Variants in CCDC57 observed in about 807,000 individuals in gnomAD.
CCDC57 encodes coiled-coil domain containing 57, also known as coiled-coil domain-containing protein 57.
CCDC57 carries 118 observed loss-of-function variants against 118.9 expected under a neutral mutation model. The ratio of observed to expected loss-of-function variants is 0.99; its 90% CI spans 0.86 to 1.16. CCDC57 has a LOEUF of 1.16. CCDC57 is among the 50% of genes most tolerant of loss of function. The pLI is 0.00. For missense variants in CCDC57, 1,300 were observed against 1,320.7 expected (o/e 0.98, Z 0.24); for synonymous variants, 527 against 532.9 (o/e 0.99, Z 0.15).
intron 14 of CCDC57, among the ~76,000 whole-genome samples, chr17:82,158,717 T>C (rs2042968128): frequency 6.6e-6 from 1 of 151,770 alleles, no homozygotes; most frequent in South Asian, 2.1e-4. Flanking sequence ...CTTGTATTAA[T>C]TTTTATTTAT....
intron 1 of CCDC57, among the ~76,000 whole-genome samples, chr17:82,208,441 G>C (rs997090656): frequency 1.3e-5 from 2 of 151,906 alleles, no homozygotes; most frequent in African/African-American, 4.8e-5. Flanking sequence ...ACTTTTAGTA[G>C]AGATGGGGTT....
intron 2 of CCDC57, 57 bp from the exon 2 acceptor site, chr17:82,202,009 C>T: frequency 1.4e-6 from 2 of 1,442,454 alleles, no homozygotes; most frequent in East Asian, 4.9e-5. Context: ...AATTTTCCTA[C>T]CACAGTACCT....
intron 19 of CCDC57, among the ~76,000 whole-genome samples, chr17:82,111,645 C>T (rs187988749): frequency 4.4e-4 from 67 of 151,176 alleles, no homozygotes; most frequent in African/African-American, 1.6e-3. Context: ...TCTGCTCTTT[C>T]ACCCAGGCTG....
intron 16 of CCDC57, among the ~76,000 whole-genome samples, chr17:82,150,461 G>A (rs199543914): frequency 6.6e-3 from 380 of 57,328 alleles, no homozygotes; most frequent in East Asian, 0.018. Flanking sequence ...AGAACCAGGC[G>A]CACACCCAGA....
intron 4 of CCDC57, among the ~76,000 whole-genome samples, chr17:82,197,682 G>T (rs540690950): frequency 6.6e-5 from 10 of 152,262 alleles, no homozygotes; most frequent in Admixed American, 1.3e-4. Flanking sequence ...ATTATTTCTG[G>T]GAGTGTCTGC....
Position 82,172,823 on chromosome 17 carries a change from T to A in CCDC57, c.1544A>T (p.Asp515Val), listed in dbSNP as rs779400869. 3.1e-6 allele frequency: 5 copies of A among 1,613,154 alleles called. No homozygotes were observed. Among genetic ancestry groups the A allele is most frequent in the Non-Finnish European group, 3.4e-6 (4 of 1,179,674 alleles). The change falls in exon 12 of 20, where the codon GAC (aspartate) becomes GTC (valine). Residue 515 changes from aspartate (D) to valine (V), a missense_variant. By Grantham distance (152) the Asp-to-Val change is radical. Transcript: ENST00000665763. This position sits in a 1 kb window ranked among gnomAD's most constrained non-coding sequence, Gnocchi z 5.2. ...CCGCTGGATCTCACTGGATGGAAAG[T>A]CTTTACTTATTTCTTCTTCATGCTG...
chr17:82,113,710 A>G (rs1382219391), intron 19 of CCDC57: 1 of 711,950 alleles, frequency 1.4e-6, no homozygotes. Flanking sequence ...AGGCGGCAGG[A>G]CTGCTTGAGC....
chr17:82,202,078 C>T (rs1329121945), intron 2 of CCDC57, 126 bp from the exon 2 acceptor site: 8 of 988,344 alleles, frequency 8.1e-6, no homozygotes, highest in Non-Finnish European at 1.0e-5. Context: ...CACCTGTAAT[C>T]CCAGCCCTTT....
intron 1 of CCDC57, among the ~76,000 whole-genome samples, chr17:82,211,993 T>TA (rs1046534333): frequency 2.6e-5 from 4 of 152,170 alleles, no homozygotes; most frequent in African/African-American, 4.8e-5. Context: ...TCTGCTTCTG[T>TA]AAAAAAATCG....
At chr17:82,194,046 G>T in exon 6 of CCDC57, 1 of 1,613,710 alleles carries the variant, frequency 6.2e-7, no homozygotes, top group Non-Finnish European at 8.5e-7. Flanking sequence ...TTCCTCTCCA[G>T]CTCGGCGTTG....
At chr17:82,179,753 A>T (rs1196219479) in intron 9 of CCDC57, among the ~76,000 whole-genome samples, 2 of 152,204 alleles carry the variant, frequency 1.3e-5, no homozygotes, top group Non-Finnish European at 2.9e-5. Context: ...ACCACCAAGG[A>T]TGTAAAGGGG....
intron 15 of CCDC57, chr17:82,152,406 A>AT (rs1598961668): frequency 6.5e-6 from 1 of 154,346 alleles, no homozygotes; most frequent in Non-Finnish European, 1.4e-5. Context: ...GGCAGTGGAG[A>AT]GGGAGGAGGC....
chr17:82,111,900 C>G (rs1486819623), intron 19 of CCDC57: 1 of 151,900 alleles, frequency 6.6e-6, no homozygotes, highest in Non-Finnish European at 1.5e-5. Context: ...AGCCATGGTG[C>G]TCGCCTTCTT....
intron 19 of CCDC57, among the ~76,000 whole-genome samples, chr17:82,111,674 T>C (rs1205554829): frequency 6.6e-6 from 1 of 152,106 alleles, no homozygotes; most frequent in Non-Finnish European, 1.5e-5. Context: ...TGGTGCGATC[T>C]CGGCTCACTG....
intron 11 of CCDC57, among the ~76,000 whole-genome samples, chr17:82,177,603 C>G (rs980662763): frequency 2.0e-5 from 3 of 152,254 alleles, no homozygotes; most frequent in Non-Finnish European, 4.4e-5. Context: ...TAGGAACATT[C>G]TTCATACCAC....
chr17:82,149,041 GTGGACGGATGGTTGGGTGGGTGGA>G (rs2041442185), intron 16 of CCDC57, among the ~76,000 whole-genome samples: 1 of 81,784 alleles, frequency 1.2e-5, no homozygotes, highest in Non-Finnish European at 2.3e-5. Flanking sequence ...GGATGGGTGG[GTGGACGGATGGTTGGGTGGGTGGA>G]TGGATGGATG....
rs184741230 is a variant in CCDC57, at chr17:82,117,364, T to C, written c.2899+10328A>G. On this transcript the variant is annotated intron_variant, in intron 19 of 19. Coordinates refer to ENST00000665763, the Ensembl canonical transcript of CCDC57. Reference sequence around the variant, plus strand: ...TGACTCAAACAACAACCAGGCAAATTAGGCCAGGTGCTCATGCCTGTAATC... The same window carrying C: ...TGACTCAAACAACAACCAGGCAAATCAGGCCAGGTGCTCATGCCTGTAATC... 1.3e-4 allele frequency among the ~76,000 whole-genome samples: 20 copies of C among 149,310 alleles called. No individual in the cohort carries two copies. The East Asian group carries it at 3.6e-3, about 27-fold the overall frequency.
chr17:82,178,519 G>A (rs748688318), exon 11 of CCDC57: 27 of 1,613,636 alleles, frequency 1.7e-5, no homozygotes, highest in East Asian at 4.5e-5. Flanking sequence ...GGGCCTGCAC[G>A]GCCTGGTCTC....
At chr17:82,185,718 TAA>T in intron 8 of CCDC57, among the ~76,000 whole-genome samples, 1 of 151,714 alleles carries the variant, frequency 6.6e-6, no homozygotes, top group South Asian at 2.1e-4. Flanking sequence ...AAAAACCTAT[TAA>T]GAACTACAAA....
Sources: allele counts gnomAD v4.1 joint callset (sites outside exome capture counted in the v4.1 genomes callset), GRCh38; gene constraint gnomAD v4.1.1; non-coding constraint Gnocchi (gnomAD v3.1); transcripts MANE v1.5; gene names NCBI Gene and HGNC (gene_info 2026-07-23, HGNC 2026-07-21).